Variants in GRM7 observed in about 807,000 individuals in gnomAD.
GRM7 encodes the protein metabotropic glutamate receptor 7.
Under a neutral mutation model 84.5 loss-of-function variants are expected in GRM7, and 35 were observed. The ratio of observed to expected loss-of-function variants is 0.41; its 90% confidence interval spans 0.32 to 0.55. GRM7 has a LOEUF of 0.55. Ranked by LOEUF, GRM7 falls within the 20% of genes least tolerant of loss-of-function variation. The pLI is 0.19. For missense variants in GRM7, 1,003 were observed against 1,194.6 expected, an observed-to-expected ratio of 0.84 and a Z score of 2.36; for synonymous variants, 487 against 455.1, an observed-to-expected ratio of 1.07 and a Z score of -0.89.
intron 5 of GRM7, among the ~76,000 whole-genome samples, chr3:7,452,150 C>A (rs1697797375): frequency 6.6e-6 from 1 of 152,148 alleles, no homozygotes. Context: ...GCCTGAGCAT[C>A]TGAATCTCCA....
intron 1 of GRM7, among the ~76,000 whole-genome samples, chr3:7,067,969 ATATTCAGAACAAC>A (rs1175473247): frequency 3.9e-5 from 6 of 151,992 alleles, no homozygotes; most frequent in African/African-American, 1.2e-4. Context: ...TCCCAGCCGA[ATATTCAGAACAAC>A]TATTCAGAAC....
At chr3:7,103,722 TTCTC>T (rs903608519) in intron 1 of GRM7, among the ~76,000 whole-genome samples, 5 of 148,954 alleles carry the variant, frequency 3.4e-5, no homozygotes, top group Non-Finnish European at 7.4e-5. Context: ...TTATTTTGTT[TTCTC>T]TCTTTTTCTC....
intron 1 of GRM7, among the ~76,000 whole-genome samples, chr3:7,092,731 G>C (rs554819996): frequency 5.9e-5 from 9 of 152,242 alleles, no homozygotes; most frequent in Non-Finnish European, 1.3e-4. Flanking sequence ...ATCTCACTGA[G>C]ATATTTGGGG....
chr3:7,028,878 A>G (rs1696078696), intron 1 of GRM7, among the ~76,000 whole-genome samples: 1 of 152,250 alleles, frequency 6.6e-6, no homozygotes, highest in South Asian at 2.1e-4. Context: ...TTTAGAAAAC[A>G]GCTTGACAGT....
chr3:7,396,593 G>A (rs1237682156), intron 4 of GRM7, among the ~76,000 whole-genome samples: 1 of 152,046 alleles, frequency 6.6e-6, no homozygotes, highest in African/African-American at 2.4e-5. Context: ...CATGAATAGT[G>A]TTTCATGCAA....
At chr3:7,010,484 T>C (rs1695333342) in intron 1 of GRM7, among the ~76,000 whole-genome samples, 1 of 152,172 alleles carries the variant, frequency 6.6e-6, no homozygotes, top group Non-Finnish European at 1.5e-5. Context: ...GGAGAGATTC[T>C]GGCTAAACTG....
intron 4 of GRM7, among the ~76,000 whole-genome samples, chr3:7,395,482 A>G (rs1178580715): frequency 6.6e-6 from 1 of 152,158 alleles, no homozygotes; most frequent in African/African-American, 2.4e-5. Flanking sequence ...ATTGTTATAT[A>G]ATAATATGGT....
At chr3:7,252,781 C>T (rs1300239780) in intron 2 of GRM7, among the ~76,000 whole-genome samples, 2 of 147,996 alleles carry the variant, frequency 1.4e-5, no homozygotes, top group South Asian at 2.1e-4. Flanking sequence ...CTCTGCCTCC[C>T]GGGTTCAACT....
At chr3:7,617,669 C>G (rs771493072) in intron 8 of GRM7, among the ~76,000 whole-genome samples, 1 of 152,078 alleles carries the variant, frequency 6.6e-6, no homozygotes, top group Non-Finnish European at 1.5e-5. Flanking sequence ...AAACAGAAAA[C>G]TCTGAGACAG....
At chr3:6,924,733 C>T (rs1208678015) in intron 1 of GRM7, among the ~76,000 whole-genome samples, 1 of 151,708 alleles carries the variant, frequency 6.6e-6, no homozygotes, top group Non-Finnish European at 1.5e-5. Context: ...GGCTACCAGA[C>T]ATTAATTAAA....
At chr3:7,388,700 C>T (rs552896021) in intron 4 of GRM7, among the ~76,000 whole-genome samples, 15 of 151,984 alleles carry the variant, frequency 9.9e-5, no homozygotes, top group African/African-American at 3.6e-4. Flanking sequence ...TATCTATTTC[C>T]TTTAGATTTT....
chr3:7,237,189 G>A (rs893283603), intron 2 of GRM7, among the ~76,000 whole-genome samples: 1 of 152,108 alleles, frequency 6.6e-6, no homozygotes, highest in East Asian at 1.9e-4. Flanking sequence ...TTGAGCACAA[G>A]TCAAAAGTCT....
At chr3:7,110,510 G>A (rs1313394895) in intron 1 of GRM7, among the ~76,000 whole-genome samples, 1 of 151,752 alleles carries the variant, frequency 6.6e-6, no homozygotes, top group Non-Finnish European at 1.5e-5. Context: ...CAGGAGAATC[G>A]CTTGAACCTG....
intron 1 of GRM7, among the ~76,000 whole-genome samples, chr3:7,000,291 C>T (rs1035347056): frequency 1.3e-5 from 2 of 151,840 alleles, no homozygotes; most frequent in Non-Finnish European, 2.9e-5. Context: ...CTTTCCTCAG[C>T]CTCCTGAGTA....
At chr3:7,531,381 G>A (rs1020742898) in intron 7 of GRM7, among the ~76,000 whole-genome samples, 3 of 152,076 alleles carry the variant, frequency 2.0e-5, no homozygotes. Context: ...GGATACCATT[G>A]AATCTATAGA....
chr3:7,337,972 T>A (rs897335226), intron 4 of GRM7, among the ~76,000 whole-genome samples: 1 of 151,726 alleles, frequency 6.6e-6, no homozygotes, highest in Non-Finnish European at 1.5e-5. Flanking sequence ...GTAGCAAAAT[T>A]CATAATTGTA....
intron 7 of GRM7, among the ~76,000 whole-genome samples, chr3:7,572,593 G>T (rs1348533840): frequency 6.6e-6 from 1 of 151,626 alleles, no homozygotes; most frequent in African/African-American, 2.4e-5. Flanking sequence ...GCTGAAGCGG[G>T]CGGATCACAA....
intron 9 of GRM7, among the ~76,000 whole-genome samples, chr3:7,733,479 GCCCCCTTGTCTGCACAAAAC>G (rs1308803923): frequency 2.0e-5 from 3 of 152,138 alleles, no homozygotes; most frequent in African/African-American, 7.2e-5. Context: ...CCAGTCCACT[GCCCCCTTGTCTGCACAAAAC>G]ATCTGTTGTA....
At chr3:7,266,582 A>G (rs1698648109) in intron 2 of GRM7, among the ~76,000 whole-genome samples, 1 of 152,204 alleles carries the variant, frequency 6.6e-6, no homozygotes, top group Admixed American at 6.5e-5. Context: ...AAAACCTTAT[A>G]TAGGGAAAAC....
Sources: gnomAD v4.1 joint callset for allele counts (sites outside exome capture counted in the v4.1 genomes callset) on GRCh38, gnomAD v4.1.1 for gene constraint, MANE v1.5 for transcripts, NCBI Gene and HGNC (gene_info 2026-07-23, HGNC 2026-07-21) for gene names.